The following KCNN3 variants were observed in gnomAD, a reference collection of about 807,000 sequenced individuals.
The protein encoded by KCNN3 is small conductance calcium-activated potassium channel protein 3.
KCNN3 carries 16 observed loss-of-function variants against 62.9 expected under a neutral mutation model. The ratio of observed to expected loss-of-function variants is 0.25; its 90% CI spans 0.17 to 0.39. KCNN3 has a LOEUF of 0.39. KCNN3 is among the 10% of genes least tolerant of loss of function. The pLI is 1.00. For missense variants in KCNN3, 599 were observed against 949.4 expected, an observed-to-expected ratio of 0.63 and a Z score of 4.85; for synonymous variants, 370 against 389.2, an observed-to-expected ratio of 0.95 and a Z score of 0.58.
At chr1:154,728,033 G>T (rs1397365630) in intron 4 of KCNN3, among the ~76,000 whole-genome samples, 3 of 152,118 alleles carry the variant, frequency 2.0e-5, no homozygotes, top group Non-Finnish European at 2.9e-5. Flanking sequence ...TGAAAGCTGG[G>T]GTCCAATAGG....
chr1:154,847,795 A>G (rs1652137887), intron 1 of KCNN3, among the ~76,000 whole-genome samples: 1 of 152,204 alleles, frequency 6.6e-6, no homozygotes, highest in South Asian at 2.1e-4. Flanking sequence ...AGCTAAGAAC[A>G]TGACACCTGC....
chr1:154,718,964 C>T (rs372871583), intron 5 of KCNN3, among the ~76,000 whole-genome samples: 173 of 152,328 alleles, frequency 1.1e-3, no homozygotes, highest in African/African-American at 3.9e-3. Flanking sequence ...ACAGAACACA[C>T]ACCTCTTCCT....
intron 2 of KCNN3, among the ~76,000 whole-genome samples, chr1:154,805,174 G>C (rs115415566): frequency 2.2e-4 from 33 of 152,158 alleles, no homozygotes; most frequent in Non-Finnish European, 4.0e-4. Context: ...GGACCTGGGC[G>C]TTCAGGGAAA....
chr1:154,870,095 G>A lies in KCNN3; in HGVS notation c.-131C>T, dbSNP rs755973217. On this transcript the variant is annotated 5_prime_UTR_variant, in exon 1 of 8. Transcript: ENST00000271915. The stretch of plus-strand genomic sequence containing the variant: ...TATCTTGGCTCCAGTCCTCTCTTTG[G>A]CTTGCTTCGGTTCTCTGGGGCTGCC... 1.1e-5 allele frequency: 12 copies of A among 1,108,058 alleles called. No homozygotes were observed. Among genetic ancestry groups the A allele is most frequent in the African/African-American group, 9.3e-5 (6 of 64,486 alleles). The allele number at this position is 1,108,058 out of a possible 1,614,324, so 68.6% of individuals were successfully genotyped here.
At chr1:154,708,760 T>C (rs1218578723) in intron 7 of KCNN3, among the ~76,000 whole-genome samples, 1 of 152,072 alleles carries the variant, frequency 6.6e-6, no homozygotes, top group Non-Finnish European at 1.5e-5. Context: ...CAATCTCGGT[T>C]GCCTTATAAA....
In KCNN3 at chr1:154,701,941, A is replaced by G. The variant is rs1041760029; in HGVS notation, c.*6035T>C. 6.6e-6 allele frequency: 1 copy of G among 152,218 alleles called. No individual in the cohort carries two copies. Among genetic ancestry groups the G allele is most frequent in the Non-Finnish European group, 1.5e-5 (1 of 68,042 alleles). The allele number at this position is 152,218 out of a possible 1,614,324, so 9.4% of individuals were successfully genotyped here. ...AAGGAAAACTGGTTGGCTAGGTTTG[A>G]GACTTATATAATTTATGTAATGAGG... On this transcript the variant is annotated 3_prime_UTR_variant, in exon 8 of 8. Coordinates refer to ENST00000271915, the MANE Select transcript of KCNN3 (RefSeq NM_002249.6).
In KCNN3 at chr1:154,718,519, C is replaced by T. The variant is rs140110568; in HGVS notation, c.1702-3516G>A. Among the ~76,000 whole-genome samples, 741 of 152,360 alleles carry T rather than the reference C, an allele frequency of 4.9e-3. 11 individuals are homozygous for T. Among genetic ancestry groups the T allele is most frequent in the African/African-American group, 0.017 (704 of 41,586 alleles). On this transcript the variant is annotated intron_variant, in intron 5 of 7. Transcript: ENST00000271915. ...TAAATAGACGTGATCATCAGCTCCA[C>T]CTTGGACCCACTGCTGAACTCTCTG...
intron 2 of KCNN3, among the ~76,000 whole-genome samples, chr1:154,786,983 GC>G (rs1557976088): frequency 6.6e-6 from 1 of 151,290 alleles, no homozygotes; most frequent in South Asian, 2.1e-4. Flanking sequence ...TCCCCTGGGA[GC>G]CCCCAGGATT....
intron 2 of KCNN3, among the ~76,000 whole-genome samples, chr1:154,776,039 C>T (rs1557970229): frequency 6.6e-6 from 1 of 152,258 alleles, no homozygotes. Context: ...GAGAATGCAC[C>T]GGCAGCTCTG....
intron 2 of KCNN3, among the ~76,000 whole-genome samples, chr1:154,788,233 C>T (rs1399554619): frequency 6.6e-6 from 1 of 152,180 alleles, no homozygotes; most frequent in Non-Finnish European, 1.5e-5. Context: ...ATGGGTTGTC[C>T]CACCTTCACA....
chr1:154,765,833 G>C (rs774298220), intron 3 of KCNN3, among the ~76,000 whole-genome samples: 1 of 151,484 alleles, frequency 6.6e-6, no homozygotes, highest in Non-Finnish European at 1.5e-5. Flanking sequence ...TTTTGGCAGA[G>C]ATGGGTTTTT....
In KCNN3 at chr1:154,697,507, T is replaced by C. The variant is rs1253870630; in HGVS notation, c.*10469A>G. 6.6e-6 allele frequency: 1 copy of C among 152,236 alleles called. No homozygotes were observed. Among genetic ancestry groups the C allele is most frequent in the Admixed American group, 6.5e-5 (1 of 15,286 alleles). 9.4% of individuals were successfully genotyped at this position (152,236 alleles called of 1,614,324 possible). A position where few individuals can be genotyped will look rare whatever the true frequency, so the allele number is the denominator to read the frequency against. ...CTCTTCTTGTTTTTATTTAATGCCA[T>C]AATATTATATTAGCATATGCCGTAA... On this transcript the variant is annotated 3_prime_UTR_variant, in exon 8 of 8. Transcript: ENST00000271915.
chr1:154,835,601 C>T (rs1651554991), intron 1 of KCNN3, among the ~76,000 whole-genome samples: 1 of 152,314 alleles, frequency 6.6e-6, no homozygotes, highest in East Asian at 1.9e-4. Context: ...AGGTTTATTT[C>T]ATCAATTATG....
chr1:154,802,352 G>A (rs893841032), intron 2 of KCNN3, among the ~76,000 whole-genome samples: 3 of 152,164 alleles, frequency 2.0e-5, no homozygotes, highest in Non-Finnish European at 2.9e-5. Context: ...CCACTACCCC[G>A]CACCCAGGAG....
In KCNN3 at chr1:154,788,428, C is replaced by T. The variant is rs376166457; in HGVS notation, c.1030-16035G>A. Among the ~76,000 whole-genome samples, 47 of 152,352 alleles carry T rather than the reference C, an allele frequency of 3.1e-4. No individual in the cohort carries two copies. The South Asian group carries it at 7.9e-3, about 25-fold the overall frequency. On this transcript the variant is annotated intron_variant, in intron 2 of 7. Coordinates refer to ENST00000271915, the MANE Select transcript of KCNN3 (RefSeq NM_002249.6). ...GACTTCTAAAGAAAAGAAAACAAGT[C>T]GGCTTTGAAATGCAGTTTCTCAAAC...
At chr1:154,855,582 T>C (rs1035727397) in intron 1 of KCNN3, among the ~76,000 whole-genome samples, 1 of 152,236 alleles carries the variant, frequency 6.6e-6, no homozygotes, top group Non-Finnish European at 1.5e-5. Flanking sequence ...GGCTACACCA[T>C]ACAGCCTCGT....
intron 1 of KCNN3, among the ~76,000 whole-genome samples, chr1:154,861,100 G>A (rs1652753509): frequency 1.3e-5 from 2 of 152,026 alleles, no homozygotes; most frequent in Admixed American, 6.6e-5. Flanking sequence ...GATAACAGGC[G>A]TGAGCCACCA....
intron 3 of KCNN3, among the ~76,000 whole-genome samples, chr1:154,741,019 A>T (rs1456171661): frequency 6.6e-6 from 1 of 152,140 alleles, no homozygotes; most frequent in Admixed American, 6.5e-5. Context: ...TATAATTAGC[A>T]GTTATTTGGT....
At chr1:154,818,116 C>T (rs900090951) in intron 2 of KCNN3, among the ~76,000 whole-genome samples, 7 of 152,198 alleles carry the variant, frequency 4.6e-5, no homozygotes, top group African/African-American at 1.7e-4. Context: ...CTTGTGTTTT[C>T]ATTTCTCTCC....
Sources: allele counts gnomAD v4.1 joint callset (sites outside exome capture counted in the v4.1 genomes callset), GRCh38; gene constraint gnomAD v4.1.1; transcripts MANE v1.5; gene names NCBI Gene and HGNC (gene_info 2026-07-23, HGNC 2026-07-21).